Variants in C1orf21 observed in about 807,000 individuals in gnomAD.
The protein encoded by C1orf21 is uncharacterized protein C1orf21.
C1orf21 carries 3 observed loss-of-function variants against 18.7 expected under a neutral mutation model. That is an observed-to-expected ratio of 0.16 (90% CI 0.07 to 0.42). The LOEUF (loss-of-function observed/expected upper bound fraction) is 0.42, where lower values mean the gene tolerates loss of function less well. Ranked by LOEUF, C1orf21 falls within the 10% of genes least tolerant of loss-of-function variation. C1orf21 has a pLI of 0.99. For synonymous variants in C1orf21, 41 were observed against 46.4 expected, an observed-to-expected ratio of 0.88 and a Z score of 0.47; for missense variants, 104 against 143.6, an observed-to-expected ratio of 0.72 and a Z score of 1.41.
intron 3 of C1orf21, among the ~76,000 whole-genome samples, chr1:184,532,634 C>T (rs1282597722): frequency 6.6e-6 from 1 of 152,148 alleles, no homozygotes; most frequent in Non-Finnish European, 1.5e-5. Flanking sequence ...ATAGTCCCAG[C>T]TACTCAGGAG....
chr1:184,486,108 G>A (rs931207301), intron 2 of C1orf21, among the ~76,000 whole-genome samples: 1 of 152,180 alleles, frequency 6.6e-6, no homozygotes, highest in Non-Finnish European at 1.5e-5. Context: ...GAAGCCAGTC[G>A]ACCTTGGCTC....
At chr1:184,560,411 T>C (rs950313856) in intron 3 of C1orf21, among the ~76,000 whole-genome samples, 2 of 152,144 alleles carry the variant, frequency 1.3e-5, no homozygotes, top group African/African-American at 4.8e-5. Flanking sequence ...ATGAATAAGA[T>C]GATGTGTGTC....
intron 3 of C1orf21, among the ~76,000 whole-genome samples, chr1:184,532,148 G>A (rs1658472810): frequency 6.6e-6 from 1 of 151,978 alleles, no homozygotes; most frequent in Non-Finnish European, 1.5e-5. Context: ...ATCTGGCATG[G>A]CATGGTGGCA....
At chr1:184,535,055 T>C (rs1471319708) in intron 3 of C1orf21, among the ~76,000 whole-genome samples, 1 of 150,054 alleles carries the variant, frequency 6.7e-6, no homozygotes, top group African/African-American at 2.4e-5. Flanking sequence ...AAGGAGCTCT[T>C]GAAATTATTT....
rs922013681 is a variant in C1orf21, at chr1:184,404,187, A to G, written c.-125+16819A>G. Reference sequence around the variant, plus strand: ...ACAGGAAGTACATGATGGGATTTTAATGCAGGTTTATCTGTCCCCAAAGCC... The same window carrying G: ...ACAGGAAGTACATGATGGGATTTTAGTGCAGGTTTATCTGTCCCCAAAGCC... On this transcript the variant is annotated intron_variant, in intron 1 of 5. Transcript: ENST00000235307. Among the ~76,000 whole-genome samples, 13 of 152,302 alleles carry G rather than the reference A, an allele frequency of 8.5e-5. No individual in the cohort carries two copies. The East Asian group carries it at 2.1e-3, about 25-fold the overall frequency.
At chr1:184,393,903 A>G (rs1010766148) in intron 1 of C1orf21, among the ~76,000 whole-genome samples, 8 of 152,020 alleles carry the variant, frequency 5.3e-5, no homozygotes, top group Admixed American at 1.3e-4. Context: ...AATTTTTTCC[A>G]ATTTGTTGTA....
At chr1:184,438,385 T>C (rs1656890820) in intron 1 of C1orf21, among the ~76,000 whole-genome samples, 1 of 152,198 alleles carries the variant, frequency 6.6e-6, no homozygotes, top group Non-Finnish European at 1.5e-5. Context: ...AGTCCTTTGG[T>C]GTGTTCTTCT....
At chr1:184,393,000 G>A (rs754364442) in intron 1 of C1orf21, among the ~76,000 whole-genome samples, 4 of 151,536 alleles carry the variant, frequency 2.6e-5, no homozygotes, top group Non-Finnish European at 4.4e-5. Context: ...GAGAGTTTTT[G>A]TGTTTTTTTC....
intron 1 of C1orf21, among the ~76,000 whole-genome samples, chr1:184,442,242 A>G (rs1338817874): frequency 2.0e-5 from 3 of 152,232 alleles, no homozygotes; most frequent in African/African-American, 7.2e-5. Context: ...GTTGTTCATA[A>G]CAATCATCAT....
At chr1:184,589,803 A>G (rs1489817002) in intron 3 of C1orf21, among the ~76,000 whole-genome samples, 3 of 152,192 alleles carry the variant, frequency 2.0e-5, no homozygotes, top group African/African-American at 7.2e-5. Context: ...CCCAGGAGAA[A>G]TAGGACCTCA....
chr1:184,401,779 A>C (rs79674824), intron 1 of C1orf21, among the ~76,000 whole-genome samples: 2 of 111,910 alleles, frequency 1.8e-5, no homozygotes, highest in Non-Finnish European at 3.2e-5. Flanking sequence ...CATTTACAGC[A>C]AAAAAAAAAA....
intron 5 of C1orf21, among the ~76,000 whole-genome samples, chr1:184,617,804 T>C (rs1172663605): frequency 6.6e-6 from 1 of 151,966 alleles, no homozygotes; most frequent in East Asian, 1.9e-4. Flanking sequence ...AATCCCATTC[T>C]AAGGGAGCAA....
chr1:184,504,830 C>T (rs766357505), intron 2 of C1orf21, among the ~76,000 whole-genome samples: 95 of 152,078 alleles, frequency 6.2e-4, no homozygotes, highest in Non-Finnish European at 1.1e-3. Context: ...TTATTGTGTT[C>T]CTCTTAACAC....
chr1:184,509,913 A>G (rs1235261386), intron 3 of C1orf21, among the ~76,000 whole-genome samples: 1 of 152,154 alleles, frequency 6.6e-6, no homozygotes, highest in Non-Finnish European at 1.5e-5. Flanking sequence ...TCACTGTGGA[A>G]TCAAGTTCTT....
At chr1:184,564,812 A>G (rs1659013170) in intron 3 of C1orf21, among the ~76,000 whole-genome samples, 1 of 152,162 alleles carries the variant, frequency 6.6e-6, no homozygotes, top group South Asian at 2.1e-4. Context: ...TTCAGCTATC[A>G]CAGGACACAG....
chr1:184,516,974 C>G (rs1165062939), intron 3 of C1orf21, among the ~76,000 whole-genome samples: 1 of 152,196 alleles, frequency 6.6e-6, no homozygotes, highest in Non-Finnish European at 1.5e-5. Flanking sequence ...GCAGAATAAG[C>G]TGTGGTTGAA....
At chr1:184,389,996 C>T (rs936966913) in intron 1 of C1orf21, among the ~76,000 whole-genome samples, 1 of 152,128 alleles carries the variant, frequency 6.6e-6, no homozygotes, top group African/African-American at 2.4e-5. Flanking sequence ...GGTTCTGTAT[C>T]CTTTGAAGTT....
At chr1:184,579,726 G>A (rs973258622) in intron 3 of C1orf21, among the ~76,000 whole-genome samples, 9 of 151,992 alleles carry the variant, frequency 5.9e-5, no homozygotes, top group African/African-American at 1.9e-4. Flanking sequence ...GGTTAGGCTG[G>A]TCTCGAACTC....
intron 3 of C1orf21, among the ~76,000 whole-genome samples, chr1:184,513,026 C>T (rs1309674015): frequency 6.6e-6 from 1 of 152,230 alleles, no homozygotes; most frequent in African/African-American, 2.4e-5. Context: ...TTGCATGCTC[C>T]TTATGAGATT....
Sources: allele counts gnomAD v4.1 joint callset (sites outside exome capture counted in the v4.1 genomes callset), GRCh38; gene constraint gnomAD v4.1.1; transcripts MANE v1.5; gene names NCBI Gene and HGNC (gene_info 2026-07-23, HGNC 2026-07-21).